GRIN3B: variants seen among roughly 807,000 people sequenced by gnomAD.
GRIN3B encodes glutamate ionotropic receptor NMDA type subunit 3B.
In GRIN3B, 77 loss-of-function variants were observed where a neutral mutation model predicts 66.0. The ratio of observed to expected loss-of-function variants is 1.17; its 90% CI spans 0.97 to 1.41. GRIN3B has a LOEUF of 1.41. Among genes scored for constraint, GRIN3B ranks in the 40% most tolerant of loss-of-function variants. GRIN3B has a pLI of 0.00. For missense variants in GRIN3B, 1,787 were observed against 1,564.5 expected, an observed-to-expected ratio of 1.14 and a Z score of -2.40; for synonymous variants, 823 against 749.7, an observed-to-expected ratio of 1.10 and a Z score of -1.60.
intron 1 of GRIN3B, among the ~76,000 whole-genome samples, chr19:1,001,193 C>T (rs2038681179): frequency 6.6e-6 from 1 of 152,060 alleles, no homozygotes; most frequent in Admixed American, 6.5e-5. Context: ...CCCTTCCTTG[C>T]CCAGGCCCCT....
Position 1,007,961 on chromosome 19 carries a change from C to T in GRIN3B, c.2304C>T (p.Phe768=). ...AACTGCTGACCGTGGGAAAGCCCTT[C>T]GCCATTGAGGGTGAGAGGCACCTGG... is the stretch of plus-strand genomic sequence containing the variant. ...DCKLLTVGKP[F]AIEGYGIGLP... is the part of the protein sequence containing the mutation. Residue 768 remains phenylalanine, a synonymous_variant, in exon 5 of 9, where the codon TTC becomes TTT. Coordinates refer to ENST00000234389, the MANE Select transcript of GRIN3B (RefSeq NM_138690.3). This position sits in a 1 kb window ranked among gnomAD's most constrained non-coding sequence, Gnocchi z 4.4. 11 of 1,611,984 alleles carry T rather than the reference C, an allele frequency of 6.8e-6. No individual in the cohort carries two copies. The highest frequency in any genetic ancestry group is 9.3e-6 in the Non-Finnish European group (11 of 1,179,550).
chr19:1,004,797 T>C lies in GRIN3B; in HGVS notation c.1296T>C (p.Asp432=), dbSNP rs765635549. 1 of 1,612,834 alleles carries C rather than the reference T, an allele frequency of 6.2e-7. No individual in the cohort carries two copies. The highest frequency in any genetic ancestry group is 1.1e-5 in the South Asian group (1 of 91,076). Reference sequence around the variant, plus strand: ...AACACCCATTTGTGTTTGCCCGTGATCCAGACGAAGACGGGCAGTGCCCAG... The same window carrying C: ...AACACCCATTTGTGTTTGCCCGTGACCCAGACGAAGACGGGCAGTGCCCAG... ...LLEHPFVFAR[D]PDEDGQCPAG... The change falls in exon 3 of 9, where the codon GAT becomes GAC. Residue 432 remains aspartate (D), a synonymous_variant. Transcript: ENST00000234389.
Position 1,008,660 on chromosome 19 carries a change from T to C in GRIN3B, c.2509T>C (p.Leu837=). Residue 837 remains leucine, a synonymous_variant, in exon 7 of 9, where the codon TTG becomes CTG. Coordinates refer to ENST00000234389, the MANE Select transcript of GRIN3B (RefSeq NM_138690.3). The part of the protein sequence containing the change: ...SIYHFAGLFV[L]LCLGLGSALL... Reference sequence around the variant, plus strand: ...CTACCACTTCGCGGGCCTCTTCGTGTTGCTGTGCCTGGGCCTGGGCAGCGC... The same window carrying C: ...CTACCACTTCGCGGGCCTCTTCGTGCTGCTGTGCCTGGGCCTGGGCAGCGC... 1 of 1,604,248 alleles carries C rather than the reference T, an allele frequency of 6.2e-7. No individual in the cohort carries two copies. Among genetic ancestry groups the C allele is most frequent in the East Asian group, 2.2e-5 (1 of 44,864 alleles).
intron 8 of GRIN3B, 63 bp from the exon 9 acceptor site, chr19:1,009,110 C>A: frequency 6.9e-7 from 1 of 1,446,250 alleles, no homozygotes; most frequent in Non-Finnish European, 9.1e-7. Flanking sequence ...GCGGCCTCTG[C>A]AGAGGCCCAG....
intron 1 of GRIN3B, among the ~76,000 whole-genome samples, chr19:1,001,134 C>G (rs1204212164): frequency 6.6e-6 from 1 of 152,066 alleles, no homozygotes; most frequent in Non-Finnish European, 1.5e-5. Flanking sequence ...CCCCTGCAGA[C>G]CCCTTCCCAG....
chr19:1,000,886 G>C (rs964177320), intron 1 of GRIN3B, 23 bp downstream of exon 1: 34 of 1,364,408 alleles, frequency 2.5e-5, no homozygotes, highest in Non-Finnish European at 3.2e-5. Context: ...CCCGGAGTCA[G>C]GACGAGGGGG....
intron 1 of GRIN3B, among the ~76,000 whole-genome samples, chr19:1,001,682 C>T (rs1187641419): frequency 6.6e-6 from 1 of 152,020 alleles, no homozygotes; most frequent in South Asian, 2.1e-4. Context: ...ACTCAGAGGC[C>T]CCTCCAGCCC....
At position 1,000,916 on chromosome 19, in the gene GRIN3B, T is replaced by G. The variant is rs919425804; in HGVS notation, c.426+53T>G. 1.9e-4 allele frequency: 255 copies of G among 1,330,214 alleles called. 3 individuals are homozygous for G. In the African/African-American group the frequency reaches 3.4e-3, roughly 18 times the overall value. 82.4% of individuals were successfully genotyped at this position (1,330,214 alleles called of 1,614,324 possible). ...AGGGGGACCCGGGGCGGGAGCGGGG[T>G]CGGGAGCCCTGGGGACGTCCGGAGT... On this transcript the variant is annotated intron_variant, in intron 1 of 8. Transcript: ENST00000234389.
At position 1,003,658 on chromosome 19, in the gene GRIN3B, G is replaced by C; in HGVS notation, c.955G>C (p.Ala319Pro). The change falls in exon 2 of 9, where the codon GCC (alanine) becomes CCC (proline). Residue 319 changes from alanine to proline, a missense_variant. Transcript: ENST00000234389. Reference protein sequence around the residue: ...QVQPKRALLPAPVNCGDLQPA... With the variant: ...QVQPKRALLPPPVNCGDLQPA... Reference sequence around the variant, plus strand: ...GCAGCCGAAGCGAGCCCTCCTCCCCGCCCCGGTCAACTGCGGGGACCTGCA... The same window carrying C: ...GCAGCCGAAGCGAGCCCTCCTCCCCCCCCCGGTCAACTGCGGGGACCTGCA... 7.1e-7 allele frequency: 1 copy of C among 1,412,768 alleles called. No individual in the cohort carries two copies. The highest frequency in any genetic ancestry group is 1.5e-5 in the African/African-American group (1 of 65,926). 87.5% of individuals were successfully genotyped at this position (1,412,768 alleles called of 1,614,324 possible).
In GRIN3B at chr19:1,008,866, C is replaced by T. The variant is rs763551432; in HGVS notation, c.2641C>T (p.Arg881Cys). The change falls in exon 8 of 9, where the codon CGC (arginine) becomes TGC (cysteine). Residue 881 changes from arginine (R) to cysteine (C), a missense_variant. Physicochemically the swap from Arg to Cys is radical, Grantham distance 180 (BLOSUM62 -3). Transcript: ENST00000234389. ...CTGTCTGGGGTCTTAGAAAATCCAC[C>T]GCGCCCTCAACACGGAGCCACCAGA... is the stretch of plus-strand genomic sequence containing the variant. ...YWLHTSQKIH[R>C]ALNTEPPEGS... 12 of 1,608,888 alleles carry T rather than the reference C, an allele frequency of 7.5e-6. No homozygotes were observed. In the Admixed American group the frequency reaches 1.5e-4, roughly 20 times the overall value.
At chr19:1,004,405 T>C (rs2038716985) in intron 2 of GRIN3B, 116 bp from the exon 3 acceptor site, 3 of 896,168 alleles carry the variant, frequency 3.3e-6, no homozygotes, top group Non-Finnish European at 5.2e-6. Flanking sequence ...CGTCCACGTT[T>C]GTCCTCATGA....
rs1245487311 is a variant in GRIN3B at position 1,007,766 on chromosome 19, A to G, written c.2191A>G (p.Met731Val). Residue 731 changes from methionine to valine, a missense_variant, in exon 4 of 9, where the codon ATG (methionine) becomes GTG (valine). Coordinates refer to ENST00000234389, the MANE Select transcript of GRIN3B (RefSeq NM_138690.3). This position sits in a 1 kb window ranked among gnomAD's most constrained non-coding sequence, Gnocchi z 4.4. ...GCCCACCACGCCCCGCGGCGTCGCCATGCTCACGTGAGCCCGGGCGCGGGG... is the reference window on the plus strand; with the variant it reads ...GCCCACCACGCCCCGCGGCGTCGCCGTGCTCACGTGAGCCCGGGCGCGGGG... ...SAPTTPRGVAMLTSDPPKLNA... is the reference protein window; with the variant it reads ...SAPTTPRGVAVLTSDPPKLNA... 5 of 1,517,214 alleles carry G rather than the reference A, an allele frequency of 3.3e-6. No homozygotes were observed. Among genetic ancestry groups the G allele is most frequent in the Non-Finnish European group, 4.4e-6 (5 of 1,133,434 alleles). The allele number at this position is 1,517,214 out of a possible 1,614,324, so 94.0% of individuals were successfully genotyped here. A position where few individuals can be genotyped will look rare whatever the true frequency, so the allele number is the denominator to read the frequency against.
In GRIN3B at chr19:1,002,363, CAA is replaced by C. The variant is rs71335327; in HGVS notation, c.427-746_427-745del. Among the ~76,000 whole-genome samples the C allele has an allele frequency of 8.1e-3, 606 of 74,676 alleles. 4 individuals are homozygous for C. Among genetic ancestry groups the C allele is most frequent in the African/African-American group, 0.027 (461 of 16,894 alleles). The allele number at this position is 74,676 out of a possible 152,430, so 49.0% of individuals were successfully genotyped here. ...TGAAACCCCGTCTTTACTAAAAATA[CAA>C]AAAAAAAAAAAAAAAAAAAAGCTGG... On this transcript the variant is annotated intron_variant, in intron 1 of 8. Transcript: ENST00000234389.
Position 1,003,551 on chromosome 19 carries a change from A to G in GRIN3B, c.848A>G (p.Glu283Gly). Residue 283 changes from glutamate to glycine, a missense_variant, in exon 2 of 9, where the codon GAG becomes GGG. By Grantham distance (98) the Glu-to-Gly change is moderately conservative. Transcript: ENST00000234389. ...GLPPGLLALG[E>G]VARPPLEAAI... ...CCACCAGGGCTGCTGGCGCTGGGCG[A>G]GGTGGCACGACCCCCGCTGGAGGCC... 1 of 1,517,044 alleles carries G rather than the reference A, an allele frequency of 6.6e-7. No homozygotes were observed. Among genetic ancestry groups the G allele is most frequent in the Non-Finnish European group, 8.8e-7 (1 of 1,138,060 alleles). 94.0% of individuals were successfully genotyped at this position (1,517,044 alleles called of 1,614,324 possible).
chr19:1,005,162 G>A lies in GRIN3B; in HGVS notation c.1661G>A (p.Gly554Asp). The change falls in exon 3 of 9, where the codon GGC (glycine) becomes GAC (aspartate). Residue 554 changes from glycine to aspartate, a missense_variant. Physicochemically the swap from Gly to Asp is moderately conservative, Grantham distance 94. Coordinates refer to ENST00000234389, the MANE Select transcript of GRIN3B (RefSeq NM_138690.3). This position sits in a 1 kb window ranked among gnomAD's most constrained non-coding sequence, Gnocchi z 5.2. Reference protein sequence around the residue: ...FTSPFFSTSLGIMVRARDTAS... With the variant: ...FTSPFFSTSLDIMVRARDTAS... ...AGCCCCTTCTTCTCCACCAGCCTGGGCATCATGGTGCGGGCACGGGACACG... is the reference window on the plus strand; with the variant it reads ...AGCCCCTTCTTCTCCACCAGCCTGGACATCATGGTGCGGGCACGGGACACG... 1 of 1,613,476 alleles carries A rather than the reference G, an allele frequency of 6.2e-7. No homozygotes were observed. Among genetic ancestry groups the A allele is most frequent in the Non-Finnish European group, 8.5e-7 (1 of 1,179,974 alleles).
intron 8 of GRIN3B, 87 bp from the exon 9 acceptor site, chr19:1,009,086 A>G (rs887171965): frequency 7.3e-7 from 1 of 1,374,810 alleles, no homozygotes. Context: ...CCTGTCGGCC[A>G]TCCTCTGCCG....
Position 1,004,902 on chromosome 19 carries a change from A to G in GRIN3B, c.1401A>G (p.Ser467=), listed in dbSNP as rs767617201. ...TGTTCGCCGCGCTGGCCAACGGCTC[A>G]GCGCCCCGTGCCCTGCGCAAGTGCT... is the stretch of plus-strand genomic sequence containing the variant. ...DALFAALANG[S]APRALRKCCY... Residue 467 remains serine (S), a synonymous_variant, in exon 3 of 9, where the codon TCA becomes TCG. Transcript: ENST00000234389. 2.8e-5 allele frequency: 45 copies of G among 1,597,554 alleles called. No individual in the cohort carries two copies. In the East Asian group the frequency reaches 9.8e-4, roughly 35 times the overall value.
rs150048507 is a variant in GRIN3B, at chr19:1,004,508, G to T, written c.1020-13G>T. 1 of 560,912 alleles carries T rather than the reference G, an allele frequency of 1.8e-6. No homozygotes were observed. The highest frequency in any genetic ancestry group is 3.1e-6 in the Non-Finnish European group (1 of 322,376). The allele number at this position is 560,912 out of a possible 1,614,324, so 34.7% of individuals were successfully genotyped here. A position where few individuals can be genotyped will look rare whatever the true frequency, so the allele number is the denominator to read the frequency against. ...AACTTCGACACCTGACACCCCCCCC[G>T]CCCTGCCCCTAGGTTCCTGGCCAAC... On this transcript the variant is annotated splice_polypyrimidine_tract_variant and intron_variant, in intron 2 of 8. Coordinates refer to ENST00000234389, the MANE Select transcript of GRIN3B (RefSeq NM_138690.3).
intron 2 of GRIN3B, 60 bp downstream of exon 2, chr19:1,003,782 A>G: frequency 7.9e-7 from 1 of 1,268,136 alleles, no homozygotes; most frequent in Non-Finnish European, 1.0e-6. Flanking sequence ...TGCACTGCTC[A>G]TGGATCACAA....
Sources: gnomAD v4.1 joint callset for allele counts (sites outside exome capture counted in the v4.1 genomes callset) on GRCh38, gnomAD v4.1.1 for gene constraint, Gnocchi (gnomAD v3.1) non-coding constraint, MANE v1.5 for transcripts, NCBI Gene and HGNC (gene_info 2026-07-23, HGNC 2026-07-21) for gene names.